Variants in CDH12 observed in about 807,000 individuals in gnomAD.
The protein encoded by CDH12 is cadherin 12.
Under a neutral mutation model 74.1 loss-of-function variants are expected in CDH12, and 41 were observed. That is an observed-to-expected ratio of 0.55 (90% confidence interval 0.43 to 0.72). CDH12 has a LOEUF of 0.72. Ranked by LOEUF, CDH12 falls within the 30% of genes least tolerant of loss-of-function variation. CDH12 has a pLI of 0.00. For synonymous variants in CDH12, 399 were observed against 355.0 expected (o/e 1.12, Z -1.39); for missense variants, 945 against 977.2 (o/e 0.97, Z 0.44).
intron 3 of CDH12, among the ~76,000 whole-genome samples, chr5:22,258,421 G>A (rs537028469): frequency 4.6e-5 from 7 of 152,026 alleles, no homozygotes; most frequent in Non-Finnish European, 1.0e-4. Context: ...CAAGCACAGG[G>A]CTAGCCTGGC....
chr5:22,792,776 A>G (rs1030425069), intron 1 of CDH12, among the ~76,000 whole-genome samples: 5 of 152,226 alleles, frequency 3.3e-5, no homozygotes, highest in African/African-American at 4.8e-5. Flanking sequence ...TTGGGTCATC[A>G]GTGTAATTTT....
At chr5:22,039,914 G>A (rs1409319816) in intron 5 of CDH12, among the ~76,000 whole-genome samples, 1 of 151,374 alleles carries the variant, frequency 6.6e-6, no homozygotes, top group Non-Finnish European at 1.5e-5. Context: ...ACATGAAAAA[G>A]CAAGGAAATA....
chr5:22,422,082 C>T (rs1743676625), intron 2 of CDH12, among the ~76,000 whole-genome samples: 1 of 151,986 alleles, frequency 6.6e-6, no homozygotes, highest in East Asian at 1.9e-4. Flanking sequence ...TTTCTCTTGC[C>T]TGATGGCCAT....
rs1344734547 is a variant in CDH12 at position 22,409,049 on chromosome 5, A to C, written c.-427-3698T>G. Among the ~76,000 whole-genome samples, 3 of 152,212 alleles carry C rather than the reference A, an allele frequency of 2.0e-5. 1 individual carries two copies. In the South Asian group the frequency reaches 6.2e-4, roughly 32 times the overall value. ...TAAAAACTTCCAGAAAATTATCTACATATACAGCAAAATGCATCCTTAGGG... is the reference window on the plus strand; with the variant it reads ...TAAAAACTTCCAGAAAATTATCTACCTATACAGCAAAATGCATCCTTAGGG... On this transcript the variant is annotated intron_variant, in intron 2 of 14. Transcript: ENST00000382254.
chr5:22,346,096 A>G (rs1740099877), intron 3 of CDH12, among the ~76,000 whole-genome samples: 1 of 131,682 alleles, frequency 7.6e-6, no homozygotes, highest in South Asian at 2.8e-4. Context: ...ACAGAGAAAG[A>G]CTTCATCTCA....
At chr5:21,966,296 T>C (rs1222409456) in intron 6 of CDH12, among the ~76,000 whole-genome samples, 4 of 151,926 alleles carry the variant, frequency 2.6e-5, no homozygotes, top group Non-Finnish European at 5.9e-5. Context: ...TGGGTCAACA[T>C]ACTTTTCTGT....
chr5:22,453,438 C>T (rs1368328442), intron 2 of CDH12, among the ~76,000 whole-genome samples: 1 of 152,028 alleles, frequency 6.6e-6, no homozygotes, highest in Non-Finnish European at 1.5e-5. Flanking sequence ...TTTGTGTCAA[C>T]ATAGATGAAT....
intron 7 of CDH12, among the ~76,000 whole-genome samples, chr5:21,843,030 C>T (rs1055029534): frequency 1.3e-5 from 2 of 152,112 alleles, no homozygotes; most frequent in Non-Finnish European, 2.9e-5. Context: ...TACATATTTA[C>T]ATATTGTCCT....
intron 1 of CDH12, among the ~76,000 whole-genome samples, chr5:22,796,653 G>A (rs1748235442): frequency 1.5e-5 from 2 of 130,758 alleles, no homozygotes; most frequent in Admixed American, 1.6e-4. Flanking sequence ...CCAAGTAGCT[G>A]GGACTACAGG....
rs577121831 is a variant in CDH12 at position 22,056,152 on chromosome 5, G to A, written c.231+22294C>T. On this transcript the variant is annotated intron_variant, in intron 5 of 14. Coordinates refer to ENST00000382254, the MANE Select transcript of CDH12 (RefSeq NM_004061.5). ...AAACCAACCAAGGAAAAGCAAATAG[G>A]GTCTTTTAATGGGTTTAAAATTTTT... 4.0e-5 allele frequency among the ~76,000 whole-genome samples: 6 copies of A among 151,790 alleles called. No individual in the cohort carries two copies. The South Asian group carries it at 1.2e-3, about 32-fold the overall frequency.
intron 7 of CDH12, among the ~76,000 whole-genome samples, chr5:21,845,944 G>C (rs923706171): frequency 6.6e-6 from 1 of 152,122 alleles, no homozygotes; most frequent in East Asian, 1.9e-4. Context: ...CAAGCTGGAA[G>C]CTTGCTCGGG....
chr5:22,521,565 T>C (rs534835750), intron 1 of CDH12, among the ~76,000 whole-genome samples: 23 of 152,282 alleles, frequency 1.5e-4, no homozygotes, highest in African/African-American at 5.5e-4. Flanking sequence ...TAAATACAAA[T>C]GTTAACTGTT....
intron 5 of CDH12, among the ~76,000 whole-genome samples, chr5:21,985,689 C>T (rs1180065450): frequency 2.6e-5 from 4 of 152,102 alleles, no homozygotes; most frequent in Non-Finnish European, 5.9e-5. Context: ...ACTACTTTTG[C>T]TAGATTCTTC....
intron 1 of CDH12, among the ~76,000 whole-genome samples, chr5:22,851,644 C>T (rs1003242277): frequency 6.6e-6 from 1 of 152,060 alleles, no homozygotes; most frequent in East Asian, 1.9e-4. Context: ...TAAAGGGAAG[C>T]CCCTGTTTTG....
intron 13 of CDH12, among the ~76,000 whole-genome samples, chr5:21,759,368 T>C (rs16888458): frequency 0.034 from 5,183 of 152,006 alleles, 99 homozygotes; most frequent in Middle Eastern, 0.058. Flanking sequence ...AGTCTTTAAG[T>C]AGCAAATTCT....
chr5:21,797,473 T>G (rs914615117), intron 10 of CDH12, among the ~76,000 whole-genome samples: 1 of 152,108 alleles, frequency 6.6e-6, no homozygotes, highest in Non-Finnish European at 1.5e-5. Context: ...TCCAGTTTGT[T>G]GTTCACTCCA....
At chr5:22,329,273 G>C (rs1580529345) in intron 3 of CDH12, among the ~76,000 whole-genome samples, 1 of 152,250 alleles carries the variant, frequency 6.6e-6, no homozygotes, top group East Asian at 1.9e-4. Flanking sequence ...GATTCACAGA[G>C]AAGCTGAAAA....
chr5:22,192,106 GT>G (rs371649038), intron 4 of CDH12, among the ~76,000 whole-genome samples: 109 of 151,782 alleles, frequency 7.2e-4, no homozygotes, highest in African/African-American at 2.4e-3. Context: ...GCTAATTTTT[GT>G]TTTTTTGGTA....
chr5:22,802,023 A>G (rs893774039), intron 1 of CDH12, among the ~76,000 whole-genome samples: 1 of 151,682 alleles, frequency 6.6e-6, no homozygotes, highest in Non-Finnish European at 1.5e-5. Flanking sequence ...ACTAAATTGC[A>G]TTACATGGTG....
Sources: allele counts gnomAD v4.1 joint callset (sites outside exome capture counted in the v4.1 genomes callset), GRCh38; gene constraint gnomAD v4.1.1; transcripts MANE v1.5; gene names NCBI Gene and HGNC (gene_info 2026-07-23, HGNC 2026-07-21).